CNOT6L: variants seen among roughly 807,000 people sequenced by gnomAD.
CNOT6L encodes the protein CCR4-NOT transcription complex subunit 6-like.
A neutral mutation model predicts 64.0 loss-of-function variants in CNOT6L; 7 were observed. The observed-to-expected ratio is 0.11, with a 90% CI of 0.06 to 0.21. The LOEUF (loss-of-function observed/expected upper bound fraction) is 0.21, where lower values mean the gene tolerates loss of function less well. Ranked by LOEUF, CNOT6L falls within the 10% of genes least tolerant of loss-of-function variation. CNOT6L has a pLI of 1.00. For synonymous variants in CNOT6L, 193 were observed against 243.4 expected, an observed-to-expected ratio of 0.79 and a Z score of 1.93; for missense variants, 245 against 669.0, an observed-to-expected ratio of 0.37 and a Z score of 6.99.
intron 7 of CNOT6L, 79 bp downstream of exon 7, chr4:77,744,639 T>C: frequency 8.1e-7 from 1 of 1,230,372 alleles, no homozygotes; most frequent in South Asian, 1.8e-5. Flanking sequence ...AAACACAGGA[T>C]CTCTCCCAGT....
chr4:77,802,153 G>C (rs1403630606), intron 1 of CNOT6L, among the ~76,000 whole-genome samples: 1 of 152,044 alleles, frequency 6.6e-6, no homozygotes, highest in Non-Finnish European at 1.5e-5. Flanking sequence ...TGATTGTGAG[G>C]TGTGTTACAA....
chr4:77,747,328 T>G (rs1282306615), intron 6 of CNOT6L, among the ~76,000 whole-genome samples: 1 of 152,062 alleles, frequency 6.6e-6, no homozygotes, highest in Non-Finnish European at 1.5e-5. Flanking sequence ...TACCACGACC[T>G]GGCTAATTTT....
chr4:77,803,952 T>A (rs1578004770), intron 1 of CNOT6L, among the ~76,000 whole-genome samples: 3 of 151,618 alleles, frequency 2.0e-5, no homozygotes, highest in Admixed American at 2.0e-4. Context: ...ACAGCGCTGC[T>A]ACTGTGGAAA....
At chr4:77,771,633 C>T (rs1246069862) in intron 4 of CNOT6L, among the ~76,000 whole-genome samples, 2 of 152,196 alleles carry the variant, frequency 1.3e-5, no homozygotes, top group Non-Finnish European at 2.9e-5. Context: ...GAAACTATAA[C>T]ACAAGATTCA....
intron 1 of CNOT6L, among the ~76,000 whole-genome samples, chr4:77,801,821 C>T (rs755438870): frequency 6.6e-6 from 1 of 151,782 alleles, no homozygotes; most frequent in African/African-American, 2.4e-5. Flanking sequence ...GTCAGGAGCC[C>T]GAGGCTATAG....
At position 77,719,164 on chromosome 4, in the gene CNOT6L, C is replaced by CT. The variant is rs1721044300; in HGVS notation, c.*1266dup. 1 of 152,620 alleles carries CT rather than the reference C, an allele frequency of 6.6e-6. No individual in the cohort carries two copies. Among genetic ancestry groups the CT allele is most frequent in the Non-Finnish European group, 1.5e-5 (1 of 68,046 alleles). The allele number at this position is 152,620 out of a possible 1,614,324, so 9.5% of individuals were successfully genotyped here. On this transcript the variant is annotated 3_prime_UTR_variant, in exon 12 of 12. Transcript: ENST00000504123. The stretch of plus-strand genomic sequence containing the variant: ...GAAAACAGTATTCTGTTCACTGCCT[C>CT]TTGAGTCACAGATTTTCAACTGGCC...
chr4:77,778,467 G>C (rs1188742333), intron 1 of CNOT6L, among the ~76,000 whole-genome samples: 1 of 151,550 alleles, frequency 6.6e-6, no homozygotes, highest in Non-Finnish European at 1.5e-5. Flanking sequence ...GCGTGATCTC[G>C]AGATCTCGAC....
intron 4 of CNOT6L, among the ~76,000 whole-genome samples, chr4:77,763,365 T>A (rs996328588): frequency 2.0e-5 from 3 of 152,080 alleles, no homozygotes; most frequent in Non-Finnish European, 4.4e-5. Flanking sequence ...TTGGCATAGC[T>A]ATATTAGAAA....
intron 4 of CNOT6L, among the ~76,000 whole-genome samples, chr4:77,764,887 T>C (rs1161871301): frequency 6.6e-6 from 1 of 152,114 alleles, no homozygotes; most frequent in African/African-American, 2.4e-5. Flanking sequence ...AAGGTTCTCT[T>C]ATAAAAGGGA....
chr4:77,795,368 T>C (rs948220588), intron 1 of CNOT6L, among the ~76,000 whole-genome samples: 1 of 152,068 alleles, frequency 6.6e-6, no homozygotes, highest in Non-Finnish European at 1.5e-5. Context: ...AAATAGAGAT[T>C]AATATGAAAA....
intron 5 of CNOT6L, among the ~76,000 whole-genome samples, chr4:77,755,023 C>T (rs527829398): frequency 1.3e-5 from 2 of 148,986 alleles, no homozygotes; most frequent in South Asian, 2.1e-4. Flanking sequence ...ACAAATTGGA[C>T]TGGAGTACAT....
At chr4:77,752,098 C>T (rs1724925760) in intron 5 of CNOT6L, among the ~76,000 whole-genome samples, 1 of 152,082 alleles carries the variant, frequency 6.6e-6, no homozygotes, top group South Asian at 2.1e-4. Flanking sequence ...CACTTCAGCC[C>T]AGGAGTTGGA....
chr4:77,752,532 A>C (rs1287261809), intron 5 of CNOT6L, among the ~76,000 whole-genome samples: 1 of 152,130 alleles, frequency 6.6e-6, no homozygotes, highest in African/African-American at 2.4e-5. Context: ...TATGTTCTCT[A>C]ACCACCATGG....
At chr4:77,818,170 A>G (rs1733781444) in intron 1 of CNOT6L, among the ~76,000 whole-genome samples, 1 of 152,200 alleles carries the variant, frequency 6.6e-6, no homozygotes, top group Non-Finnish European at 1.5e-5. Context: ...AAAATGTAAC[A>G]CTGTGCTTCC....
chr4:77,716,249 C>A lies in CNOT6L; in HGVS notation c.*4182G>T, dbSNP rs116012360. ...ATAAAGTCTTTGCTTGCTATAAAAA[C>A]CATTATTTTCCAAAAACTGGTCAGC... On this transcript the variant is annotated 3_prime_UTR_variant, in exon 12 of 12. Coordinates refer to ENST00000504123, the MANE Select transcript of CNOT6L (RefSeq NM_144571.3). 809 of 152,110 alleles carry A rather than the reference C, an allele frequency of 5.3e-3. 9 individuals carry two copies. The highest frequency in any genetic ancestry group is 0.018 in the African/African-American group (764 of 41,526). 9.4% of individuals were successfully genotyped at this position (152,110 alleles called of 1,614,324 possible).
intron 1 of CNOT6L, among the ~76,000 whole-genome samples, chr4:77,818,533 A>T (rs1733826352): frequency 6.6e-6 from 1 of 152,178 alleles, no homozygotes; most frequent in South Asian, 2.1e-4. Context: ...GCCTTAGGGG[A>T]AGGATGAAAA....
At chr4:77,780,381 A>ATCC (rs1728721334) in intron 1 of CNOT6L, among the ~76,000 whole-genome samples, 1 of 152,220 alleles carries the variant, frequency 6.6e-6, no homozygotes, top group South Asian at 2.1e-4. Flanking sequence ...TTCTCAAAAG[A>ATCC]TCCTCCCATT....
intron 4 of CNOT6L, among the ~76,000 whole-genome samples, chr4:77,768,917 C>A (rs375233249): frequency 1.3e-5 from 2 of 152,080 alleles, no homozygotes; most frequent in Non-Finnish European, 2.9e-5. Flanking sequence ...GATGTACAGA[C>A]CTCTACATCC....
chr4:77,774,772 A>G (rs534628789), intron 2 of CNOT6L, 56 bp from the exon 3 acceptor site: 1 of 1,137,004 alleles, frequency 8.8e-7, no homozygotes, highest in Non-Finnish European at 1.2e-6. Context: ...GATGACACCT[A>G]AACTACAACG....
Sources: allele counts gnomAD v4.1 joint callset (sites outside exome capture counted in the v4.1 genomes callset), GRCh38; gene constraint gnomAD v4.1.1; transcripts MANE v1.5; gene names NCBI Gene and HGNC (gene_info 2026-07-23, HGNC 2026-07-21).